Variants in FCN2 observed in about 807,000 individuals in gnomAD.
The protein encoded by FCN2 is ficolin-2.
A neutral mutation model predicts 32.5 loss-of-function variants in FCN2; 31 were observed. The observed-to-expected ratio is 0.96, with a 90% CI of 0.72 to 1.29. The LOEUF is 1.29. Among genes scored for constraint, FCN2 ranks in the 50% most tolerant of loss-of-function variants. The pLI, the probability that FCN2 is intolerant of heterozygous loss-of-function variation, is 0.00. For synonymous variants in FCN2, 181 were observed against 164.5 expected, an observed-to-expected ratio of 1.10 and a Z score of -0.77; for missense variants, 412 against 406.5, an observed-to-expected ratio of 1.01 and a Z score of -0.12.
upstream of FCN2, among the ~76,000 whole-genome samples, chr9:134,877,285 C>T (rs989849753): frequency 2.0e-5 from 3 of 152,176 alleles, no homozygotes; most frequent in African/African-American, 7.2e-5. Context: ...CTGTAATTTG[C>T]CTCCCAAGGA....
the FCN2 span, among the ~76,000 whole-genome samples, chr9:134,875,104 T>G: frequency 6.6e-6 from 1 of 152,256 alleles, no homozygotes; most frequent in African/African-American, 2.4e-5. Flanking sequence ...GATCAGATTT[T>G]CTACAGAATC....
the FCN2 span, among the ~76,000 whole-genome samples, chr9:134,867,257 T>C: frequency 6.9e-6 from 1 of 144,464 alleles, no homozygotes; most frequent in African/African-American, 2.6e-5. Flanking sequence ...CCAACAATGA[T>C]AGACTGGATT....
chr9:134,868,658 T>C, the FCN2 span, among the ~76,000 whole-genome samples: 2 of 152,174 alleles, frequency 1.3e-5, no homozygotes, highest in African/African-American at 4.8e-5. The surrounding 1 kb of genome is among the most constrained non-coding windows in gnomAD (Gnocchi z 4.3). Context: ...TCCAGCCCCC[T>C]GCCTCCCATC....
the FCN2 span, among the ~76,000 whole-genome samples, chr9:134,873,905 T>TGG: frequency 1.9e-4 from 4 of 20,646 alleles, no homozygotes; most frequent in Non-Finnish European, 2.9e-4. Flanking sequence ...TTTTGTTTTT[T>TGG]TTTGTTTTTG....
Position 134,886,416 on chromosome 9 carries a change from C to T in FCN2, c.560-14C>T, listed in dbSNP as rs202023314. 10 of 1,614,168 alleles carry T rather than the reference C, an allele frequency of 6.2e-6. No homozygotes were observed. In the South Asian group the frequency reaches 6.6e-5, roughly 11 times the overall value. On this transcript the variant is annotated splice_polypyrimidine_tract_variant and intron_variant, in intron 6 of 7. Coordinates refer to ENST00000291744, the MANE Select transcript of FCN2 (RefSeq NM_004108.3). ...GAGCCCTTCCGCTGAGACCCTGAAA[C>T]CTTTCTCTAACAGGAACCAGCGAGC... is the stretch of plus-strand genomic sequence containing the variant.
the FCN2 span, among the ~76,000 whole-genome samples, chr9:134,874,108 G>T: frequency 6.6e-6 from 1 of 152,004 alleles, no homozygotes; most frequent in Admixed American, 6.6e-5. Flanking sequence ...TAGAGACAGG[G>T]TTTCACCGTG....
At chr9:134,874,481 C>T in the FCN2 span, among the ~76,000 whole-genome samples, 1,070 of 152,336 alleles carry the variant, frequency 7.0e-3, 7 homozygotes, top group Non-Finnish European at 8.2e-3. Context: ...CTTTTCTCCA[C>T]TACATTTCCT....
rs1045386567 is a variant in FCN2, at chr9:134,887,489, C to T, written c.*74C>T. On this transcript the variant is annotated 3_prime_UTR_variant, in exon 8 of 8. Coordinates refer to ENST00000291744, the MANE Select transcript of FCN2 (RefSeq NM_004108.3). ...GGGTAGGGTTGGGAGCTTGGCCCTA[C>T]GGTTTGTAAAAGAAACACATGTCGT... 5.2e-5 allele frequency: 75 copies of T among 1,450,890 alleles called. No individual in the cohort carries two copies. Among genetic ancestry groups the T allele is most frequent in the Middle Eastern group, 3.4e-4 (2 of 5,820 alleles). The allele number at this position is 1,450,890 out of a possible 1,614,324, so 89.9% of individuals were successfully genotyped here.
In FCN2 at chr9:134,887,204, C is replaced by T; in HGVS notation, c.731C>T (p.Ser244Phe). ...SLTFHNNQSF[S>F]TKDQDNDLNT... is the part of the protein sequence containing the mutation. ...ACGTTCCACAACAACCAGTCCTTCT[C>T]CACCAAAGACCAGGACAATGATCTT... Residue 244 changes from serine to phenylalanine, a missense_variant, in exon 8 of 8, where the codon TCC becomes TTC. By Grantham distance (155) the Ser-to-Phe change is radical. Coordinates refer to ENST00000291744, the MANE Select transcript of FCN2 (RefSeq NM_004108.3). 1 of 1,614,162 alleles carries T rather than the reference C, an allele frequency of 6.2e-7. No homozygotes were observed. Among genetic ancestry groups the T allele is most frequent in the Non-Finnish European group, 8.5e-7 (1 of 1,179,982 alleles).
the FCN2 span, among the ~76,000 whole-genome samples, chr9:134,875,780 C>G: frequency 6.6e-6 from 1 of 152,144 alleles, no homozygotes; most frequent in African/African-American, 2.4e-5. Flanking sequence ...CCAGTTGAAC[C>G]ACGGATGAGA....
chr9:134,872,499 G>A, the FCN2 span, among the ~76,000 whole-genome samples: 1 of 152,328 alleles, frequency 6.6e-6, no homozygotes, highest in South Asian at 2.1e-4. Context: ...TTCTCACACT[G>A]CTCGTAAAGA....
At chr9:134,870,454 C>G in the FCN2 span, among the ~76,000 whole-genome samples, 25 of 152,114 alleles carry the variant, frequency 1.6e-4, no homozygotes, top group Admixed American at 1.6e-3. This position sits in a 1 kb window ranked among gnomAD's most constrained non-coding sequence, Gnocchi z 4.3. Context: ...ACCTTCACCA[C>G]CTGGCCTCTG....
the FCN2 span, among the ~76,000 whole-genome samples, chr9:134,868,920 A>C: frequency 6.6e-6 from 1 of 152,190 alleles, no homozygotes; most frequent in African/African-American, 2.4e-5. The surrounding 1 kb of genome is among the most constrained non-coding windows in gnomAD (Gnocchi z 4.3). Context: ...ATAAAGTTTT[A>C]TCGGCACAGC....
At chr9:134,869,068 CAG>C in the FCN2 span, among the ~76,000 whole-genome samples, 230 of 152,188 alleles carry the variant, frequency 1.5e-3, 2 homozygotes, top group Non-Finnish European at 3.1e-3. Context: ...CAGTCCTTTA[CAG>C]AGAGTGTTCG....
At chr9:134,886,028 G>A in intron 6 of FCN2, 131 bp downstream of exon 6, 2 of 962,174 alleles carry the variant, frequency 2.1e-6, no homozygotes, top group Non-Finnish European at 3.0e-6. Flanking sequence ...CACTCAGGGT[G>A]GCACTGGGAC....
upstream of FCN2, among the ~76,000 whole-genome samples, chr9:134,879,209 A>G (rs1830630805): frequency 6.6e-6 from 1 of 152,220 alleles, no homozygotes; most frequent in Non-Finnish European, 1.5e-5. Context: ...TCAATTACTC[A>G]ATTGGCCATT....
chr9:134,870,632 G>A, the FCN2 span, among the ~76,000 whole-genome samples: 24 of 152,142 alleles, frequency 1.6e-4, no homozygotes, highest in Non-Finnish European at 2.8e-4. The surrounding 1 kb of genome is among the most constrained non-coding windows in gnomAD (Gnocchi z 4.3). Context: ...CACAGAGCCC[G>A]GCCCTGCGGG....
At chr9:134,867,502 AG>A in the FCN2 span, among the ~76,000 whole-genome samples, 19 of 66,810 alleles carry the variant, frequency 2.8e-4, no homozygotes, top group African/African-American at 9.6e-4. Flanking sequence ...GGGTGGGGGG[AG>A]GGGGGAGGGA....
upstream of FCN2, among the ~76,000 whole-genome samples, chr9:134,878,099 C>T (rs1370425255): frequency 1.3e-5 from 2 of 152,226 alleles, no homozygotes; most frequent in African/African-American, 4.8e-5. Flanking sequence ...TGCCCTCGAA[C>T]ATCAGACTCC....
Sources: gnomAD v4.1 joint callset for allele counts (sites outside exome capture counted in the v4.1 genomes callset) on GRCh38, gnomAD v4.1.1 for gene constraint, Gnocchi (gnomAD v3.1) non-coding constraint, MANE v1.5 for transcripts, NCBI Gene and HGNC (gene_info 2026-07-23, HGNC 2026-07-21) for gene names.